The following NECTIN3 variants were observed in gnomAD, a reference collection of about 807,000 sequenced individuals.
NECTIN3 encodes the protein nectin-3.
A neutral mutation model predicts 49.4 loss-of-function variants in NECTIN3; 8 were observed. The observed-to-expected ratio is 0.16, with a 90% CI of 0.10 to 0.29. The LOEUF is 0.29. Among genes scored for constraint, NECTIN3 ranks in the 10% least tolerant of loss-of-function variants. NECTIN3 has a pLI of 1.00. For synonymous variants in NECTIN3, 277 were observed against 241.1 expected (o/e 1.15, Z -1.38); for missense variants, 581 against 654.6 (o/e 0.89, Z 1.23).
chr3:111,181,648 C>A (rs1247017386), intron 7 of NECTIN3, among the ~76,000 whole-genome samples: 1 of 152,052 alleles, frequency 6.6e-6, no homozygotes, highest in Admixed American at 6.6e-5. Flanking sequence ...TTAGTTTCAT[C>A]TAGGTTGTCA....
At chr3:111,147,495 A>T in intron 7 of NECTIN3, 7 of 1,478,024 alleles carry the variant, frequency 4.7e-6, no homozygotes, top group Non-Finnish European at 5.5e-6. Context: ...GTATGTGTTC[A>T]TGAGTACACT....
At chr3:111,086,089 C>A (rs2031906673) in intron 1 of NECTIN3, among the ~76,000 whole-genome samples, 1 of 152,170 alleles carries the variant, frequency 6.6e-6, no homozygotes, top group Admixed American at 6.5e-5. Flanking sequence ...ATTTGAATAT[C>A]CTCTTTTGTG....
intron 4 of NECTIN3, among the ~76,000 whole-genome samples, chr3:111,122,744 T>C (rs2107471823): frequency 6.6e-6 from 1 of 152,264 alleles, no homozygotes; most frequent in African/African-American, 2.4e-5. Context: ...TCCTAATGGC[T>C]AATATTTGCC....
chr3:111,126,702 C>T (rs909717042), intron 5 of NECTIN3, among the ~76,000 whole-genome samples: 52 of 152,076 alleles, frequency 3.4e-4, no homozygotes, highest in African/African-American at 1.1e-3. Context: ...TTGATGGCCA[C>T]TTTGTACACA....
chr3:111,135,886 C>T lies in NECTIN3; in HGVS notation c.*1671C>T. Reference sequence around the variant, plus strand: ...TTTATTTCTCTTCCCAAAAGTAATACTTATTATAAGGCTGTAGTATCAGGT... The same window carrying T: ...TTTATTTCTCTTCCCAAAAGTAATATTTATTATAAGGCTGTAGTATCAGGT... On this transcript the variant is annotated 3_prime_UTR_variant, in exon 6 of 6. Transcript: ENST00000485303. 1.1e-6 allele frequency: 1 copy of T among 922,770 alleles called. No homozygotes were observed. The highest frequency in any genetic ancestry group is 1.3e-6 in the Non-Finnish European group (1 of 773,752). 57.2% of individuals were successfully genotyped at this position (922,770 alleles called of 1,614,324 possible).
intron 7 of NECTIN3, among the ~76,000 whole-genome samples, chr3:111,164,611 T>C (rs947485786): frequency 6.6e-6 from 1 of 152,242 alleles, no homozygotes; most frequent in Non-Finnish European, 1.5e-5. Flanking sequence ...GGGGGAAATC[T>C]TTTCCATGCC....
chr3:111,095,549 T>C (rs551211141), intron 1 of NECTIN3, among the ~76,000 whole-genome samples: 2 of 152,356 alleles, frequency 1.3e-5, no homozygotes, highest in East Asian at 1.9e-4. Context: ...CTCCTTCCTG[T>C]TCCCCTGCCC....
chr3:111,130,166 C>T (rs2034334026), intron 5 of NECTIN3, among the ~76,000 whole-genome samples: 1 of 151,852 alleles, frequency 6.6e-6, no homozygotes, highest in Non-Finnish European at 1.5e-5. Flanking sequence ...CCATATTAGC[C>T]AGGATGGTCT....
At chr3:111,172,266 C>T (rs1398947575) in intron 7 of NECTIN3, among the ~76,000 whole-genome samples, 2 of 152,184 alleles carry the variant, frequency 1.3e-5, no homozygotes, top group Non-Finnish European at 2.9e-5. Context: ...CACGCATGTG[C>T]ACACAAGCAT....
chr3:111,122,791 C>G (rs2034009608), intron 4 of NECTIN3, among the ~76,000 whole-genome samples: 2 of 151,986 alleles, frequency 1.3e-5, no homozygotes, highest in Admixed American at 1.3e-4. Context: ...GCATAATTTT[C>G]TTTCTCTGAA....
chr3:111,138,527 G>A (rs2034654290), downstream of NECTIN3, among the ~76,000 whole-genome samples: 1 of 151,456 alleles, frequency 6.6e-6, no homozygotes, highest in Non-Finnish European at 1.5e-5. Flanking sequence ...TTTTTATCAA[G>A]AGCTTGAAAC....
intron 1 of NECTIN3, among the ~76,000 whole-genome samples, chr3:111,102,370 C>G (rs1390636147): frequency 6.6e-6 from 1 of 152,154 alleles, no homozygotes; most frequent in African/African-American, 2.4e-5. Context: ...TTCTATAATC[C>G]TTTCATCCTA....
intron 5 of NECTIN3, among the ~76,000 whole-genome samples, chr3:111,130,699 A>G (rs2034355249): frequency 6.6e-6 from 1 of 152,122 alleles, no homozygotes. Flanking sequence ...TGATAAATGT[A>G]AGATTTTGGA....
intron 1 of NECTIN3, among the ~76,000 whole-genome samples, chr3:111,098,298 C>T (rs545131722): frequency 6.6e-6 from 1 of 152,302 alleles, no homozygotes; most frequent in South Asian, 2.1e-4. Flanking sequence ...CCTAGGGCTT[C>T]TATAACACAT....
rs535263977 is a variant in NECTIN3, at chr3:111,169,223, G to A, written c.1221+21739G>A. Among the ~76,000 whole-genome samples, 34 of 151,162 alleles carry A rather than the reference G, an allele frequency of 2.2e-4. No homozygotes were observed. The South Asian group carries it at 5.2e-3, about 23-fold the overall frequency. On this transcript the variant is annotated intron_variant, in intron 7 of 8. Transcript: ENST00000493615. ...TCCTGCCTCAGCCTCCCGAGTAGCT[G>A]GGACTACAGGCGCCTGCCACCACGC...
chr3:111,104,303 C>G (rs1024556265), intron 1 of NECTIN3, among the ~76,000 whole-genome samples: 1 of 135,352 alleles, frequency 7.4e-6, no homozygotes, highest in Non-Finnish European at 1.6e-5. Context: ...TTGGTGATGT[C>G]TGTTCAGATC....
At chr3:111,073,238 T>C (rs1370287573) in intron 1 of NECTIN3, among the ~76,000 whole-genome samples, 2 of 152,142 alleles carry the variant, frequency 1.3e-5, no homozygotes, top group Non-Finnish European at 2.9e-5. Context: ...GTTTTCAGTA[T>C]TTCATAAAAC....
At chr3:111,084,909 TTC>T (rs2031838508) in intron 1 of NECTIN3, among the ~76,000 whole-genome samples, 1 of 152,182 alleles carries the variant, frequency 6.6e-6, no homozygotes, top group Non-Finnish European at 1.5e-5. Context: ...CATAAATTTA[TTC>T]TCTCACAGTT....
At chr3:111,129,842 G>T (rs993041716) in intron 5 of NECTIN3, among the ~76,000 whole-genome samples, 4 of 151,812 alleles carry the variant, frequency 2.6e-5, no homozygotes, top group Non-Finnish European at 4.4e-5. Context: ...AAGAGACAGG[G>T]TTTCACCGTG....
Sources: gnomAD v4.1 joint callset for allele counts (sites outside exome capture counted in the v4.1 genomes callset) on GRCh38, gnomAD v4.1.1 for gene constraint, MANE v1.5 for transcripts, NCBI Gene and HGNC (gene_info 2026-07-23, HGNC 2026-07-21) for gene names.